CYFIP1: variants seen among roughly 807,000 people sequenced by gnomAD.
The protein encoded by CYFIP1 is cytoplasmic FMR1 interacting protein 1, also known as cytoplasmic FMR1-interacting protein 1.
A neutral mutation model predicts 163.5 loss-of-function variants in CYFIP1; 58 were observed. The observed-to-expected ratio is 0.35, with a 90% confidence interval of 0.29 to 0.44. CYFIP1 has a LOEUF of 0.44. Among genes scored for constraint, CYFIP1 ranks in the 20% least tolerant of loss-of-function variants. The pLI is 1.00. For synonymous variants in CYFIP1, 663 were observed against 660.7 expected (o/e 1.00, Z -0.05); for missense variants, 1,338 against 1,653.8 (o/e 0.81, Z 3.31).
At chr15:22,971,799 T>C (rs2063106144) in intron 1 of CYFIP1, among the ~76,000 whole-genome samples, 1 of 151,586 alleles carries the variant, frequency 6.6e-6, no homozygotes, top group Non-Finnish European at 1.5e-5. Context: ...GAGCCCAGGA[T>C]ATCAAAGCTG....
At position 22,867,438 on chromosome 15, in the gene CYFIP1, A is replaced by C. The variant is rs956052384; in HGVS notation, c.*2590T>G. On this transcript the variant is annotated 3_prime_UTR_variant, in exon 31 of 31. Transcript: ENST00000617928. ...CCAAGGAACGATTTCTCAGGTTGAG[A>C]TGATCACCGTGAATCCGGCTTCCTC... The C allele has an allele frequency of 2.8e-6, 1 of 361,972 alleles. No homozygotes were observed. Among genetic ancestry groups the C allele is most frequent in the African/African-American group, 2.1e-5 (1 of 47,882 alleles). The allele number at this position is 361,972 out of a possible 1,614,324, so 22.4% of individuals were successfully genotyped here. A position where few individuals can be genotyped will look rare whatever the true frequency, so the allele number is the denominator to read the frequency against.
At chr15:22,896,035 G>C (rs1419185121) in intron 22 of CYFIP1, among the ~76,000 whole-genome samples, 1 of 152,202 alleles carries the variant, frequency 6.6e-6, no homozygotes. Flanking sequence ...CACCTGAAGA[G>C]CTGGGGAGGG....
At position 22,882,776 on chromosome 15, in the gene CYFIP1, G is replaced by A; in HGVS notation, c.2820+92C>T. The A allele has an allele frequency of 2.8e-6, 4 of 1,436,038 alleles. No individual in the cohort carries two copies. In the East Asian group the frequency reaches 6.9e-5, roughly 25 times the overall value. 89.0% of individuals were successfully genotyped at this position (1,436,038 alleles called of 1,614,324 possible). A position where few individuals can be genotyped will look rare whatever the true frequency, so the allele number is the denominator to read the frequency against. On this transcript the variant is annotated intron_variant, in intron 24 of 30. Transcript: ENST00000617928. ...CCTAATTGAACGAATCCAGCTGTTG[G>A]AGAATCACAGTCCAGGCAGAGAAGA...
intron 1 of CYFIP1, among the ~76,000 whole-genome samples, chr15:22,960,010 C>T (rs1306999291): frequency 1.3e-5 from 2 of 152,232 alleles, no homozygotes; most frequent in Non-Finnish European, 2.9e-5. Context: ...CTGGCATAGC[C>T]CAGTAGCAGC....
intron 1 of CYFIP1, among the ~76,000 whole-genome samples, chr15:22,963,137 G>C (rs1466578250): frequency 2.0e-5 from 3 of 152,210 alleles, no homozygotes; most frequent in African/African-American, 7.2e-5. Context: ...CAAGTGGAGA[G>C]AGAAGTGTTT....
At chr15:22,964,135 C>T (rs1358358056) in intron 1 of CYFIP1, among the ~76,000 whole-genome samples, 1 of 150,216 alleles carries the variant, frequency 6.7e-6, no homozygotes, top group Non-Finnish European at 1.5e-5. Context: ...CGAGCTATTA[C>T]GCATATGTAT....
chr15:22,959,760 C>A (rs370418465), intron 1 of CYFIP1, among the ~76,000 whole-genome samples: 1 of 152,164 alleles, frequency 6.6e-6, no homozygotes, highest in Non-Finnish European at 1.5e-5. Context: ...GAGGAACAGG[C>A]GCCACGGGCG....
At chr15:22,904,516 C>G (rs1283420846) in intron 21 of CYFIP1, 2 of 154,578 alleles carry the variant, frequency 1.3e-5, no homozygotes, top group African/African-American at 4.8e-5. Flanking sequence ...AGCAAATACC[C>G]ACCTCAACTA....
At chr15:22,963,544 CAT>C (rs201248319) in intron 1 of CYFIP1, among the ~76,000 whole-genome samples, 7 of 135,754 alleles carry the variant, frequency 5.2e-5, no homozygotes, top group South Asian at 2.5e-4. Context: ...CATAACATAA[CAT>C]AACATAACAT....
chr15:22,955,081 G>C (rs1344066742), intron 1 of CYFIP1, among the ~76,000 whole-genome samples: 1 of 152,234 alleles, frequency 6.6e-6, no homozygotes, highest in Non-Finnish European at 1.5e-5. Context: ...GTGGGCAGGA[G>C]GCAAAGGTTC....
chr15:22,946,484 T>A (rs1465801585), intron 3 of CYFIP1, among the ~76,000 whole-genome samples: 1 of 150,980 alleles, frequency 6.6e-6, no homozygotes, highest in Non-Finnish European at 1.5e-5. Context: ...CTACTAAAAA[T>A]GCACAAATTA....
Position 22,939,077 on chromosome 15 carries a change from G to A in CYFIP1, c.795+115C>T, listed in dbSNP as rs995235425. 1.1e-5 allele frequency: 14 copies of A among 1,327,298 alleles called. No individual in the cohort carries two copies. In the African/African-American group the frequency reaches 1.7e-4, roughly 16 times the overall value. The allele number at this position is 1,327,298 out of a possible 1,614,324, so 82.2% of individuals were successfully genotyped here. On this transcript the variant is annotated intron_variant, in intron 8 of 30. Transcript: ENST00000617928. ...CAAGGGCAGGACGCTGTTCACACAT[G>A]ACAGCATGCAAATAAGACACAGCTG... is the stretch of plus-strand genomic sequence containing the variant.
At chr15:22,957,719 T>C (rs2062527122) in intron 1 of CYFIP1, among the ~76,000 whole-genome samples, 1 of 152,196 alleles carries the variant, frequency 6.6e-6, no homozygotes. Flanking sequence ...CTATGAAATG[T>C]TTCTGCAAAC....
chr15:22,923,157 C>T (rs2061245407), intron 13 of CYFIP1, among the ~76,000 whole-genome samples: 1 of 152,044 alleles, frequency 6.6e-6, no homozygotes, highest in African/African-American at 2.4e-5. Flanking sequence ...TCTCAAAAGA[C>T]TCCATTAAGA....
chr15:22,978,068 T>C (rs1441621535), intron 1 of CYFIP1, among the ~76,000 whole-genome samples: 1 of 151,864 alleles, frequency 6.6e-6, no homozygotes, highest in Non-Finnish European at 1.5e-5. Flanking sequence ...CTATAGTGAT[T>C]TGGCCGGGCA....
At chr15:22,885,349 C>A (rs1234928447) in intron 23 of CYFIP1, among the ~76,000 whole-genome samples, 3 of 152,168 alleles carry the variant, frequency 2.0e-5, no homozygotes, top group African/African-American at 7.2e-5. Context: ...GACCTTTGCT[C>A]CAGTTCCCAA....
intron 1 of CYFIP1, among the ~76,000 whole-genome samples, chr15:22,970,627 AC>A (rs1369468595): frequency 6.6e-6 from 1 of 152,236 alleles, no homozygotes; most frequent in East Asian, 1.9e-4. Context: ...AAGAACCCAG[AC>A]ATAAACCTTC....
chr15:22,920,434 G>C (rs58805715), intron 13 of CYFIP1, among the ~76,000 whole-genome samples: 7 of 151,740 alleles, frequency 4.6e-5, no homozygotes, highest in Admixed American at 1.3e-4. Context: ...ATCACTTTCT[G>C]GTTTTATTCA....
intron 1 of CYFIP1, among the ~76,000 whole-genome samples, chr15:22,972,189 A>T (rs1343236120): frequency 6.6e-6 from 1 of 152,168 alleles, no homozygotes; most frequent in Non-Finnish European, 1.5e-5. Context: ...TAATCCCAGC[A>T]CTTTGGGAGG....
Sources: allele counts gnomAD v4.1 joint callset (sites outside exome capture counted in the v4.1 genomes callset), GRCh38; gene constraint gnomAD v4.1.1; transcripts MANE v1.5; gene names NCBI Gene and HGNC (gene_info 2026-07-23, HGNC 2026-07-21).